The following RBMS1 variants were observed in gnomAD, a reference collection of about 807,000 sequenced individuals.
The protein encoded by RBMS1 is RNA binding motif single stranded interacting protein 1, also known as RNA-binding motif, single-stranded-interacting protein 1.
In RBMS1, 17 loss-of-function variants were observed where a neutral mutation model predicts 62.3. The observed-to-expected ratio is 0.27, with a 90% CI of 0.19 to 0.41. RBMS1 has a LOEUF of 0.41. RBMS1 is among the 10% of genes least tolerant of loss of function. The pLI, the probability that RBMS1 is intolerant of heterozygous loss-of-function variation, is 1.00. For synonymous variants in RBMS1, 172 were observed against 170.0 expected, an observed-to-expected ratio of 1.01 and a Z score of -0.09; for missense variants, 334 against 504.5, an observed-to-expected ratio of 0.66 and a Z score of 3.24.
chr2:160,476,189 A>G (rs1685120367), intron 1 of RBMS1, among the ~76,000 whole-genome samples: 1 of 151,956 alleles, frequency 6.6e-6, no homozygotes. Flanking sequence ...CATTATATTC[A>G]TGATATTTAA....
chr2:160,307,410 A>C (rs887798418), intron 4 of RBMS1, among the ~76,000 whole-genome samples: 8 of 151,796 alleles, frequency 5.3e-5, no homozygotes, highest in Non-Finnish European at 8.8e-5. Context: ...GCCAAAAAAC[A>C]TATGAGGATT....
At chr2:160,406,792 C>T (rs1574016179) in intron 1 of RBMS1, among the ~76,000 whole-genome samples, 1 of 152,158 alleles carries the variant, frequency 6.6e-6, no homozygotes, top group East Asian at 1.9e-4. Flanking sequence ...GTGATCTAAC[C>T]ACTGAAGTGG....
intron 1 of RBMS1, among the ~76,000 whole-genome samples, chr2:160,433,260 C>A (rs1209137953): frequency 6.6e-6 from 1 of 152,028 alleles, no homozygotes; most frequent in Non-Finnish European, 1.5e-5. Flanking sequence ...CAAAAAAATA[C>A]AAAAACTAGC....
intron 1 of RBMS1, chr2:160,408,029 C>T: frequency 3.1e-6 from 2 of 651,986 alleles, no homozygotes; most frequent in Middle Eastern, 7.8e-4. Flanking sequence ...GCCCGGCCCC[C>T]GCGCTCTCCC....
intron 6 of RBMS1, among the ~76,000 whole-genome samples, chr2:160,290,054 ATTT>A (rs1389412712): frequency 7.2e-6 from 1 of 138,390 alleles, no homozygotes; most frequent in African/African-American, 2.7e-5. Context: ...TGACCCACTT[ATTT>A]TTAAGTGTGT....
chr2:160,279,843 T>G (rs922724924), intron 10 of RBMS1: 6 of 152,218 alleles, frequency 3.9e-5, no homozygotes, highest in Non-Finnish European at 8.8e-5. Context: ...GGAAAGGTAA[T>G]GAATCCTCAG....
intron 1 of RBMS1, among the ~76,000 whole-genome samples, chr2:160,486,973 C>A (rs1685625698): frequency 6.6e-6 from 1 of 152,176 alleles, no homozygotes; most frequent in African/African-American, 2.4e-5. Context: ...CATTTCCAAC[C>A]TGCCACACCT....
At chr2:160,320,141 T>C (rs1022430077) in intron 2 of RBMS1, among the ~76,000 whole-genome samples, 2 of 152,232 alleles carry the variant, frequency 1.3e-5, no homozygotes, top group East Asian at 1.9e-4. Flanking sequence ...CTCCTATCGT[T>C]TGAATATTTC....
At chr2:160,426,259 AAG>A (rs1682579465) in intron 1 of RBMS1, among the ~76,000 whole-genome samples, 1 of 125,362 alleles carries the variant, frequency 8.0e-6, no homozygotes, top group Non-Finnish European at 1.7e-5. Flanking sequence ...GAAAGAAAGA[AAG>A]AAAGAAAGAA....
At chr2:160,465,888 ACT>A (rs1553531333) in intron 1 of RBMS1, among the ~76,000 whole-genome samples, 1 of 145,280 alleles carries the variant, frequency 6.9e-6, no homozygotes, top group Admixed American at 6.9e-5. Flanking sequence ...ACACACACAC[ACT>A]CTCACATTTC....
chr2:160,300,578 G>T, intron 6 of RBMS1, 73 bp downstream of exon 6: 1 of 1,463,136 alleles, frequency 6.8e-7, no homozygotes, highest in South Asian at 1.6e-5. Context: ...TTCTATTGAA[G>T]AGTCATCATG....
intron 1 of RBMS1, among the ~76,000 whole-genome samples, chr2:160,448,640 G>C (rs1039351132): frequency 3.9e-5 from 6 of 152,172 alleles, no homozygotes; most frequent in African/African-American, 9.7e-5. Flanking sequence ...ATCTCGGCTC[G>C]CTACGACCTC....
At chr2:160,345,721 C>T (rs891205156) in intron 2 of RBMS1, among the ~76,000 whole-genome samples, 1 of 152,060 alleles carries the variant, frequency 6.6e-6, no homozygotes, top group Non-Finnish European at 1.5e-5. Context: ...CATGGGAGGG[C>T]AGAATGGGGA....
At chr2:160,424,164 GCC>G (rs1696548289) in intron 1 of RBMS1, among the ~76,000 whole-genome samples, 1 of 151,486 alleles carries the variant, frequency 6.6e-6, no homozygotes, top group Non-Finnish European at 1.5e-5. Flanking sequence ...GATTACAGGC[GCC>G]CGCCACCACA....
chr2:160,386,923 C>A (rs1207233745), intron 1 of RBMS1, among the ~76,000 whole-genome samples: 1 of 152,134 alleles, frequency 6.6e-6, no homozygotes, highest in Non-Finnish European at 1.5e-5. Flanking sequence ...ATTATTTATT[C>A]CTATTACAAA....
At chr2:160,425,228 T>C (rs1682500590) in intron 1 of RBMS1, among the ~76,000 whole-genome samples, 1 of 152,260 alleles carries the variant, frequency 6.6e-6, no homozygotes, top group African/African-American at 2.4e-5. Flanking sequence ...TCAGTGCCTC[T>C]GTAAATAAAT....
chr2:160,378,959 C>A (rs1258052107), intron 1 of RBMS1, among the ~76,000 whole-genome samples: 1 of 152,222 alleles, frequency 6.6e-6, no homozygotes, highest in East Asian at 1.9e-4. Flanking sequence ...GTGGCTCATG[C>A]CTATAATCCC....
In RBMS1 at chr2:160,350,813, A is replaced by T. The variant is rs543349787; in HGVS notation, c.251+16403T>A. ...ATTGTGAATAGTGCTGCAATAAACA[A>T]ACGTGTGCATGTGTCTTTATAGCAG... On this transcript the variant is annotated intron_variant, in intron 2 of 13. Coordinates refer to ENST00000348849, the MANE Select transcript of RBMS1 (RefSeq NM_016836.4). 7.1e-4 allele frequency among the ~76,000 whole-genome samples: 108 copies of T among 152,160 alleles called. 1 individual carries two copies. The highest frequency in any genetic ancestry group is 3.1e-3 in the Admixed American group (48 of 15,262).
chr2:160,388,882 G>C (rs549347859), intron 1 of RBMS1, among the ~76,000 whole-genome samples: 58 of 152,342 alleles, frequency 3.8e-4, no homozygotes, highest in Admixed American at 6.5e-4. Flanking sequence ...AATCCCCCTG[G>C]GGGGAGGCCT....
Sources: allele counts gnomAD v4.1 joint callset (sites outside exome capture counted in the v4.1 genomes callset), GRCh38; gene constraint gnomAD v4.1.1; transcripts MANE v1.5; gene names NCBI Gene and HGNC (gene_info 2026-07-23, HGNC 2026-07-21).